The following KIAA1328 variants were observed in gnomAD, a reference collection of about 807,000 sequenced individuals.
KIAA1328 encodes the protein KIAA1328.
Under a neutral mutation model 68.1 loss-of-function variants are expected in KIAA1328, and 52 were observed. The observed-to-expected ratio is 0.76, with a 90% CI of 0.61 to 0.96. KIAA1328 has a LOEUF of 0.96. Among genes scored for constraint, KIAA1328 ranks in the 40% least tolerant of loss-of-function variants. The pLI, the probability that KIAA1328 is intolerant of heterozygous loss-of-function variation, is 0.00. For missense variants in KIAA1328, 641 were observed against 677.6 expected (o/e 0.95, Z 0.60); for synonymous variants, 232 against 239.4 (o/e 0.97, Z 0.28).
Position 37,222,341 on chromosome 18 carries a change from AC to A in KIAA1328, c.*115del, listed in dbSNP as rs2060580237. ...CTCTCCTTTCACGGGGACTTGTCTC[AC>A]TAGCATCCTGTTACGTATTGAATAT... On this transcript the variant is annotated 3_prime_UTR_variant, in exon 10 of 10. Transcript: ENST00000280020. 6.7e-7 allele frequency: 1 copy of A among 1,487,776 alleles called. No individual in the cohort carries two copies. Among genetic ancestry groups the A allele is most frequent in the African/African-American group, 1.4e-5 (1 of 71,072 alleles). The allele number at this position is 1,487,776 out of a possible 1,614,324, so 92.2% of individuals were successfully genotyped here. A position where few individuals can be genotyped will look rare whatever the true frequency, so the allele number is the denominator to read the frequency against.
chr18:37,039,703 A>G (rs1190450032), intron 6 of KIAA1328, among the ~76,000 whole-genome samples: 1 of 151,966 alleles, frequency 6.6e-6, no homozygotes, highest in African/African-American at 2.4e-5. Context: ...CAGCCACCAC[A>G]CCCTGCCTGT....
chr18:36,917,660 G>A (rs1242823545), intron 5 of KIAA1328, among the ~76,000 whole-genome samples: 1 of 152,196 alleles, frequency 6.6e-6, no homozygotes. Context: ...CTCTGTGTAT[G>A]TATATGCCAG....
At chr18:37,046,035 T>A (rs190300601) in intron 6 of KIAA1328, among the ~76,000 whole-genome samples, 22 of 152,336 alleles carry the variant, frequency 1.4e-4, no homozygotes, top group African/African-American at 5.0e-4. Flanking sequence ...AATATATGAA[T>A]CATGTTGAAA....
At chr18:36,922,681 C>T (rs566222786) in intron 5 of KIAA1328, among the ~76,000 whole-genome samples, 8 of 151,910 alleles carry the variant, frequency 5.3e-5, no homozygotes, top group African/African-American at 1.7e-4. Context: ...TTTTTTCTTT[C>T]GTTTTATGAG....
At chr18:37,076,201 A>G (rs1011644821) in intron 7 of KIAA1328, among the ~76,000 whole-genome samples, 97 of 152,232 alleles carry the variant, frequency 6.4e-4, no homozygotes, top group African/African-American at 2.2e-3. Flanking sequence ...ACTCAACTAC[A>G]TGGAAACTGA....
chr18:37,133,160 C>A (rs1012884020), intron 7 of KIAA1328, among the ~76,000 whole-genome samples: 1 of 152,022 alleles, frequency 6.6e-6, no homozygotes, highest in Non-Finnish European at 1.5e-5. Flanking sequence ...TGGTGAAACA[C>A]CATCTCTACT....
At chr18:36,995,416 A>G (rs1323803458) in intron 6 of KIAA1328, among the ~76,000 whole-genome samples, 1 of 152,180 alleles carries the variant, frequency 6.6e-6, no homozygotes, top group African/African-American at 2.4e-5. Context: ...CGCAATAAAT[A>G]TACGTGTGCA....
At chr18:36,848,223 A>G (rs751448737) in intron 4 of KIAA1328, among the ~76,000 whole-genome samples, 1 of 151,178 alleles carries the variant, frequency 6.6e-6, no homozygotes, top group African/African-American at 2.4e-5. Context: ...AAGTATTTAA[A>G]TTTTCTTTAA....
chr18:37,213,460 C>T (rs1260705187), intron 9 of KIAA1328, among the ~76,000 whole-genome samples: 1 of 152,130 alleles, frequency 6.6e-6, no homozygotes, highest in Non-Finnish European at 1.5e-5. Flanking sequence ...CATCCATGTC[C>T]CTACAAAGGA....
At chr18:37,062,735 G>A (rs1318765396) in intron 6 of KIAA1328, among the ~76,000 whole-genome samples, 2 of 152,118 alleles carry the variant, frequency 1.3e-5, no homozygotes, top group Admixed American at 6.5e-5. Context: ...GATTACAGGC[G>A]TGAGCCACCG....
chr18:37,041,899 T>C (rs2055267172), intron 6 of KIAA1328, among the ~76,000 whole-genome samples: 2 of 152,172 alleles, frequency 1.3e-5, no homozygotes, highest in Admixed American at 1.3e-4. Context: ...GTTTTGTTTA[T>C]TTTATTTTTT....
At chr18:36,954,266 CTGAT>C (rs1238646902) in intron 5 of KIAA1328, among the ~76,000 whole-genome samples, 2 of 152,148 alleles carry the variant, frequency 1.3e-5, no homozygotes, top group East Asian at 1.9e-4. Context: ...CCTCCCAAGT[CTGAT>C]TGTTTCTTAC....
intron 5 of KIAA1328, among the ~76,000 whole-genome samples, chr18:36,939,948 C>T (rs760877497): frequency 7.9e-5 from 12 of 151,990 alleles, no homozygotes; most frequent in Non-Finnish European, 1.5e-4. Context: ...TAGGAATTAA[C>T]ATTTAGACAT....
intron 6 of KIAA1328, among the ~76,000 whole-genome samples, chr18:37,014,092 G>A (rs1232249416): frequency 6.6e-6 from 1 of 152,162 alleles, no homozygotes; most frequent in African/African-American, 2.4e-5. Flanking sequence ...TTTCTCTGAT[G>A]ATTAGTGATG....
intron 9 of KIAA1328, among the ~76,000 whole-genome samples, chr18:37,195,555 G>C (rs1040094894): frequency 2.6e-5 from 4 of 152,154 alleles, no homozygotes; most frequent in Admixed American, 2.6e-4. Flanking sequence ...TAAAGAGACT[G>C]TCCTTTCCCC....
rs1212224885 is a variant in KIAA1328, at chr18:37,224,409, G to A, written c.*2182G>A. On this transcript the variant is annotated 3_prime_UTR_variant, in exon 10 of 10. Coordinates refer to ENST00000280020, the MANE Select transcript of KIAA1328 (RefSeq NM_020776.3). Reference sequence around the variant, plus strand: ...TGGCCAATTTGGAAAAGCAGAGATGGGCTTTCAGCAGAATATCAACCAATA... The same window carrying A: ...TGGCCAATTTGGAAAAGCAGAGATGAGCTTTCAGCAGAATATCAACCAATA... The A allele has an allele frequency of 1.0e-6, 1 of 985,180 alleles. No homozygotes were observed. The highest frequency in any genetic ancestry group is 1.2e-6 in the Non-Finnish European group (1 of 829,930). 61.0% of individuals were successfully genotyped at this position (985,180 alleles called of 1,614,324 possible).
intron 6 of KIAA1328, among the ~76,000 whole-genome samples, chr18:37,027,184 G>T (rs948027332): frequency 2.0e-5 from 3 of 152,116 alleles, no homozygotes; most frequent in African/African-American, 7.2e-5. Flanking sequence ...CCTCTTCAAG[G>T]AGAACTACAA....
rs1001384477 is a variant in KIAA1328, at chr18:36,975,174, C to G, written c.576+15739C>G. On this transcript the variant is annotated intron_variant, in intron 6 of 9. Coordinates refer to ENST00000280020, the MANE Select transcript of KIAA1328 (RefSeq NM_020776.3). Reference sequence around the variant, plus strand: ...GATCCAAGGACCAAAGTACAAGCTACAATTTTTTTTTTTTTTTTTTTTTTT... The same window carrying G: ...GATCCAAGGACCAAAGTACAAGCTAGAATTTTTTTTTTTTTTTTTTTTTTT... Among the ~76,000 whole-genome samples, 3 of 144,110 alleles carry G rather than the reference C, an allele frequency of 2.1e-5. No homozygotes were observed. The Admixed American group carries it at 2.1e-4, about 10-fold the overall frequency. The allele number at this position is 144,110 out of a possible 152,430, so 94.5% of individuals were successfully genotyped here.
intron 4 of KIAA1328, among the ~76,000 whole-genome samples, chr18:36,871,995 C>G (rs1399990060): frequency 6.6e-6 from 1 of 152,078 alleles, no homozygotes; most frequent in African/African-American, 2.4e-5. Flanking sequence ...CAATCTTGCT[C>G]GATGCCTGGG....
Sources: allele counts gnomAD v4.1 joint callset (sites outside exome capture counted in the v4.1 genomes callset), GRCh38; gene constraint gnomAD v4.1.1; transcripts MANE v1.5; gene names NCBI Gene and HGNC (gene_info 2026-07-23, HGNC 2026-07-21).